ANXA7: variants seen among roughly 807,000 people sequenced by gnomAD.
ANXA7 encodes annexin VII.
A neutral mutation model predicts 64.9 loss-of-function variants in ANXA7; 55 were observed. The observed-to-expected ratio is 0.85, with a 90% CI of 0.68 to 1.06. The LOEUF (loss-of-function observed/expected upper bound fraction) is 1.06, where lower values mean the gene tolerates loss of function less well. Among genes scored for constraint, ANXA7 ranks in the 50% least tolerant of loss-of-function variants. ANXA7 has a pLI of 0.00. For missense variants in ANXA7, 548 were observed against 582.1 expected, an observed-to-expected ratio of 0.94 and a Z score of 0.60; for synonymous variants, 200 against 192.4, an observed-to-expected ratio of 1.04 and a Z score of -0.33.
chr10:73,387,519 C>CAAAACAAAACAAA (rs1554816527), intron 7 of ANXA7, among the ~76,000 whole-genome samples, 170 bp downstream of exon 7: 6,816 of 151,898 alleles, frequency 0.045, 469 homozygotes, highest in African/African-American at 0.15. Context: ...CATCTCAAAA[C>CAAAACAAAACAAA]AAAACAAAAC....
chr10:73,386,260 C>A (rs1275496877), intron 7 of ANXA7, among the ~76,000 whole-genome samples: 1 of 151,470 alleles, frequency 6.6e-6, no homozygotes, highest in Admixed American at 6.6e-5. Context: ...CATGTTTTCC[C>A]ATTACATCTG....
At chr10:73,388,206 G>T in intron 6 of ANXA7, 106 bp downstream of exon 6, 1 of 757,792 alleles carries the variant, frequency 1.3e-6, no homozygotes, top group Non-Finnish European at 2.2e-6. Context: ...CCAGGTATGC[G>T]CACCCAGGCT....
chr10:73,390,596 G>C (rs2055455033), intron 5 of ANXA7, among the ~76,000 whole-genome samples: 1 of 150,500 alleles, frequency 6.6e-6, no homozygotes, highest in Non-Finnish European at 1.5e-5. Context: ...ATCCTAAATA[G>C]GACAGAAGCC....
chr10:73,392,257 A>G (rs989252002), intron 5 of ANXA7, among the ~76,000 whole-genome samples: 3 of 152,246 alleles, frequency 2.0e-5, no homozygotes, highest in African/African-American at 7.2e-5. Context: ...TCACAGCCGA[A>G]TTCTACCAGA....
chr10:73,396,945 A>G (rs985022767), intron 4 of ANXA7, among the ~76,000 whole-genome samples: 9 of 152,194 alleles, frequency 5.9e-5, no homozygotes, highest in African/African-American at 2.2e-4. Context: ...GCTTTGGGAC[A>G]GATTTTTTTA....
intron 5 of ANXA7, among the ~76,000 whole-genome samples, chr10:73,394,285 C>T (rs113221869): frequency 0.1 from 15,909 of 152,110 alleles, 1,198 homozygotes; most frequent in East Asian, 0.3. Flanking sequence ...AGTTCAACCA[C>T]TGTGGAAGAC....
intron 1 of ANXA7, among the ~76,000 whole-genome samples, chr10:73,412,045 T>C (rs948178732): frequency 1.3e-5 from 2 of 152,108 alleles, no homozygotes; most frequent in Non-Finnish European, 2.9e-5. Flanking sequence ...ACCTTTCTTT[T>C]TTCTTTTTTT....
At chr10:73,408,891 G>A (rs1402045199) in intron 1 of ANXA7, among the ~76,000 whole-genome samples, 1 of 152,148 alleles carries the variant, frequency 6.6e-6, no homozygotes, top group African/African-American at 2.4e-5. Context: ...CAATAAATGT[G>A]ATGTATCACA....
rs866824185 is a variant in ANXA7 at position 73,378,964 on chromosome 10, C to T, written c.1225G>A (p.Gly409Ser). The change falls in exon 12 of 13, where the codon GGT (glycine) becomes AGT (serine). Residue 409 changes from glycine to serine, a missense_variant. Gly to Ser is a moderately conservative substitution (Grantham distance 56, BLOSUM62 0). Transcript: ENST00000372921. Reference protein sequence around the residue: ...FAERLYYAMKGAGTDDSTLVR... With the variant: ...FAERLYYAMKSAGTDDSTLVR... Reference sequence around the variant, plus strand: ...AGGGTGGAGTCATCTGTGCCAGCACCTTTCATAGCATAGTAGAGCCTCTCA... The same window carrying T: ...AGGGTGGAGTCATCTGTGCCAGCACTTTTCATAGCATAGTAGAGCCTCTCA... The T allele has an allele frequency of 8.7e-6, 14 of 1,613,630 alleles. No individual in the cohort carries two copies. In the African/African-American group the frequency reaches 1.6e-4, roughly 18 times the overall value.
Position 73,376,046 on chromosome 10 carries a change from A to G in ANXA7, c.*49T>C. On this transcript the variant is annotated 3_prime_UTR_variant, in exon 13 of 13. Coordinates refer to ENST00000372921, the MANE Select transcript of ANXA7 (RefSeq NM_001156.5). ...TGCATGCAGGTCATTGCTCTGAAGG[A>G]TAAGCTATGAATAGAAATTTTTTTT... The G allele has an allele frequency of 9.6e-6, 14 of 1,458,238 alleles. No individual in the cohort carries two copies. Among genetic ancestry groups the G allele is most frequent in the Non-Finnish European group, 1.3e-5 (14 of 1,098,068 alleles). The allele number at this position is 1,458,238 out of a possible 1,614,324, so 90.3% of individuals were successfully genotyped here. A position where few individuals can be genotyped will look rare whatever the true frequency, so the allele number is the denominator to read the frequency against.
chr10:73,386,229 A>G (rs1258548546), intron 7 of ANXA7, among the ~76,000 whole-genome samples: 1 of 152,008 alleles, frequency 6.6e-6, no homozygotes, highest in African/African-American at 2.4e-5. Context: ...AAAAAAAAAA[A>G]AAAAGCAAAG....
intron 1 of ANXA7, among the ~76,000 whole-genome samples, chr10:73,405,974 A>G (rs559008525): frequency 2.4e-4 from 36 of 149,462 alleles, no homozygotes; most frequent in Admixed American, 2.3e-3. Flanking sequence ...TTTTTTTTTG[A>G]GACAGAGTTT....
At chr10:73,395,727 A>G (rs559352398) in intron 5 of ANXA7, 114 of 414,588 alleles carry the variant, frequency 2.7e-4, no homozygotes, top group Non-Finnish European at 4.9e-4. Context: ...TGGAGGGTGC[A>G]GTGAGCCGAG....
intron 1 of ANXA7, among the ~76,000 whole-genome samples, chr10:73,410,507 G>A (rs913924455): frequency 6.6e-6 from 1 of 152,094 alleles, no homozygotes; most frequent in African/African-American, 2.4e-5. Context: ...AAATGGGCCG[G>A]GCGCGGTAGC....
At position 73,398,401 on chromosome 10, in the gene ANXA7, A is replaced by G; in HGVS notation, c.55-16T>C. ...GACCTGCAGGCTGAAAAATCAGAAT[A>G]ATTTTTAAACAAATACGATCATAGA... On this transcript the variant is annotated splice_polypyrimidine_tract_variant and intron_variant, in intron 2 of 12. Coordinates refer to ENST00000372921, the MANE Select transcript of ANXA7 (RefSeq NM_001156.5). 1 of 1,599,470 alleles carries G rather than the reference A, an allele frequency of 6.3e-7. No homozygotes were observed. The highest frequency in any genetic ancestry group is 1.3e-5 in the African/African-American group (1 of 74,744).
rs781481679 is a variant in ANXA7, at chr10:73,379,809, A to T, written c.1165+70T>A. On this transcript the variant is annotated intron_variant, in intron 11 of 12. Coordinates refer to ENST00000372921, the MANE Select transcript of ANXA7 (RefSeq NM_001156.5). ...CACGTGGACTATATTATCAACATTT[A>T]ATGGGAACAACTATTCAAAGCTCCC... is the stretch of plus-strand genomic sequence containing the variant. 2.8e-6 allele frequency: 4 copies of T among 1,416,046 alleles called. No homozygotes were observed. In the South Asian group the frequency reaches 4.6e-5, roughly 16 times the overall value. The allele number at this position is 1,416,046 out of a possible 1,614,324, so 87.7% of individuals were successfully genotyped here.
intron 7 of ANXA7, among the ~76,000 whole-genome samples, chr10:73,384,808 G>A (rs541910497): frequency 6.6e-5 from 10 of 152,092 alleles, no homozygotes; most frequent in Non-Finnish European, 1.0e-4. Flanking sequence ...AGAGAAAGTT[G>A]AAACAGAAAA....
chr10:73,387,817 A>G lies in ANXA7; in HGVS notation c.539-34T>C, dbSNP rs756487626. The G allele has an allele frequency of 2.7e-6, 4 of 1,467,316 alleles. No individual in the cohort carries two copies. In the African/African-American group the frequency reaches 4.2e-5, roughly 15 times the overall value. 90.9% of individuals were successfully genotyped at this position (1,467,316 alleles called of 1,614,324 possible). ...ACCACACATGTTTAAGTAAGGACAA[A>G]GTACATGCTAGGTGCTGCTTGAGGT... On this transcript the variant is annotated intron_variant, in intron 6 of 12. Coordinates refer to ENST00000372921, the MANE Select transcript of ANXA7 (RefSeq NM_001156.5).
rs2055802852 is a variant in ANXA7, at chr10:73,409,097, A to G, written c.-2+4915T>C. On this transcript the variant is annotated intron_variant, in intron 1 of 12. Transcript: ENST00000372921. ...GGAAAAGTTGAAAGCATTCCCCCTG[A>G]GAACAGGAACAAGACAAGGACATCC... 2.0e-5 allele frequency among the ~76,000 whole-genome samples: 3 copies of G among 152,254 alleles called. No individual in the cohort carries two copies. In the South Asian group the frequency reaches 6.2e-4, roughly 31 times the overall value.
Sources: gnomAD v4.1 joint callset for allele counts (sites outside exome capture counted in the v4.1 genomes callset) on GRCh38, gnomAD v4.1.1 for gene constraint, MANE v1.5 for transcripts, NCBI Gene and HGNC (gene_info 2026-07-23, HGNC 2026-07-21) for gene names.